ZBTB39: variants seen among roughly 807,000 people sequenced by gnomAD.
ZBTB39 encodes the protein zinc finger and BTB domain-containing protein 39.
Under a neutral mutation model 39.4 loss-of-function variants are expected in ZBTB39, and 25 were observed. That is an observed-to-expected ratio of 0.63 (90% confidence interval 0.46 to 0.89). The LOEUF (loss-of-function observed/expected upper bound fraction) is 0.89, where lower values mean the gene tolerates loss of function less well. ZBTB39 is among the 40% of genes least tolerant of loss of function. The pLI is 0.00. For missense variants in ZBTB39, 891 were observed against 909.7 expected, an observed-to-expected ratio of 0.98 and a Z score of 0.26; for synonymous variants, 373 against 359.6, an observed-to-expected ratio of 1.04 and a Z score of -0.42.
chr12:57,000,199 G>C lies in ZBTB39; in HGVS notation c.*2580C>G, dbSNP rs919048048. The C allele has an allele frequency of 2.0e-5, 3 of 152,572 alleles. No individual in the cohort carries two copies. Among genetic ancestry groups the C allele is most frequent in the African/African-American group, 7.2e-5 (3 of 41,410 alleles). 9.5% of individuals were successfully genotyped at this position (152,572 alleles called of 1,614,324 possible). On this transcript the variant is annotated 3_prime_UTR_variant, in exon 2 of 2. Transcript: ENST00000300101. ...GGTGTGAATACAGGGGTCACCAACA[G>C]GGAGAGGGTTTGGTCAACAAATCTC...
In ZBTB39 at chr12:57,004,020, C is replaced by G; in HGVS notation, c.898G>C (p.Gly300Arg). ...TCTTCAAACTGCAAGTCATCATCCC[C>G]CAGGTCCTCGAGCTGGAGCTCATCC... ...QMDELQLEDL[G>R]DDDLQFEDPA... The change falls in exon 2 of 2, where the codon GGG (glycine) becomes CGG (arginine). Residue 300 changes from glycine to arginine, a missense_variant. By Grantham distance (125) the Gly-to-Arg change is moderately radical (BLOSUM62 -2). Transcript: ENST00000300101. 1 of 1,614,242 alleles carries G rather than the reference C, an allele frequency of 6.2e-7. No homozygotes were observed. The highest frequency in any genetic ancestry group is 8.5e-7 in the Non-Finnish European group (1 of 1,180,048).
chr12:57,004,242 T>C lies in ZBTB39; in HGVS notation c.676A>G (p.Thr226Ala). 6 of 1,611,228 alleles carry C rather than the reference T, an allele frequency of 3.7e-6. No individual in the cohort carries two copies. Among genetic ancestry groups the C allele is most frequent in the Non-Finnish European group, 5.1e-6 (6 of 1,179,258 alleles). Residue 226 changes from threonine (T) to alanine (A), a missense_variant, in exon 2 of 2, where the codon ACC (threonine) becomes GCC (alanine). Physicochemically the swap from Thr to Ala is moderately conservative, Grantham distance 58. Coordinates refer to ENST00000300101, the MANE Select transcript of ZBTB39 (RefSeq NM_014830.3). Reference protein sequence around the residue: ...APFTSIPSMMTQPLLGTVSTG... With the variant: ...APFTSIPSMMAQPLLGTVSTG... Reference sequence around the variant, plus strand: ...CTGACAGTGCCTAGGAGTGGCTGGGTCATCATGCTAGGAATGGACGTGAAG... The same window carrying C: ...CTGACAGTGCCTAGGAGTGGCTGGGCCATCATGCTAGGAATGGACGTGAAG...
rs766143328 is a variant in ZBTB39, at chr12:57,002,802, C to T, written c.2116G>A (p.Ala706Thr). Residue 706 changes from alanine to threonine, a missense_variant, in exon 2 of 2, where the codon GCG becomes ACG. Coordinates refer to ENST00000300101, the MANE Select transcript of ZBTB39 (RefSeq NM_014830.3). ...AGTCAACTGTCCGGGTTCTTATCCG[C>T]CTCTTTGGAATGGATGATGTACATG... is the stretch of plus-strand genomic sequence containing the variant. The part of the protein sequence containing the change: ...TFMYIIHSKE[A>T]DKNPDS 6.2e-7 allele frequency: 1 copy of T among 1,613,944 alleles called. No individual in the cohort carries two copies. The highest frequency in any genetic ancestry group is 8.5e-7 in the Non-Finnish European group (1 of 1,179,838).
rs1442989175 is a variant in ZBTB39 at position 57,001,582 on chromosome 12, T to G, written c.*1197A>C. On this transcript the variant is annotated 3_prime_UTR_variant, in exon 2 of 2. Coordinates refer to ENST00000300101, the MANE Select transcript of ZBTB39 (RefSeq NM_014830.3). ...ACTCTGCAGCCACCCACGGAGGGCC[T>G]GAACCAGCTGCCATCCAATAGCGCC... The G allele has an allele frequency of 6.5e-6, 1 of 152,738 alleles. No individual in the cohort carries two copies. The highest frequency in any genetic ancestry group is 2.4e-5 in the African/African-American group (1 of 41,460). The allele number at this position is 152,738 out of a possible 1,614,324, so 9.5% of individuals were successfully genotyped here.
At chr12:57,006,203 A>C (rs1592452834) in intron 1 of ZBTB39, among the ~76,000 whole-genome samples, 2 of 144,856 alleles carry the variant, frequency 1.4e-5, no homozygotes, top group Non-Finnish European at 1.5e-5. Context: ...CGCGGGGCTC[A>C]CCCGGGTGAG....
chr12:57,004,943 CCTT>C lies in ZBTB39; in HGVS notation c.-29_-27del, dbSNP rs1243968005. 2.6e-5 allele frequency: 41 copies of C among 1,558,054 alleles called. No individual in the cohort carries two copies. The highest frequency in any genetic ancestry group is 9.5e-5 in the African/African-American group (7 of 73,530). The stretch of plus-strand genomic sequence containing the variant: ...CTTAGCAGCTCCTATGAAATTACCT[CCTT>C]ATCAGCACAGTTAATCTGTGGATAG... On this transcript the variant is annotated 5_prime_UTR_variant, in exon 2 of 2. The change creates a new upstream start codon in the 5' untranslated region. Transcript: ENST00000300101.
rs757866619 is a variant in ZBTB39 at position 57,004,819 on chromosome 12, G to A, written c.99C>T (p.Thr33=). The change falls in exon 2 of 2, where the codon ACC becomes ACT. Residue 33 remains threonine (T), a synonymous_variant. Coordinates refer to ENST00000300101, the MANE Select transcript of ZBTB39 (RefSeq NM_014830.3). Reference sequence around the variant, plus strand: ...GGAAGGAGCGGCTCCCCACCACAATGGTGACGTCGCACATGGTCTCTGAGA... The same window carrying A: ...GGAAGGAGCGGCTCCCCACCACAATAGTGACGTCGCACATGGTCTCTGAGA... ...CRLSETMCDV[T]IVVGSRSFPA... is the part of the protein sequence containing the mutation. 37 of 1,614,084 alleles carry A rather than the reference G, an allele frequency of 2.3e-5. No individual in the cohort carries two copies. The Middle Eastern group carries it at 4.9e-4, about 22-fold the overall frequency.
rs1336534165 is a variant in ZBTB39, at chr12:56,999,786, TG to T, written c.*2992del. On this transcript the variant is annotated 3_prime_UTR_variant, in exon 2 of 2. Transcript: ENST00000300101. Reference sequence around the variant, plus strand: ...TTCCCCTCGGAAAACAAGTTGGGAATGGCCTCATATTTGGTTTAATGCTCTA... The same window carrying T: ...TTCCCCTCGGAAAACAAGTTGGGAATGCCTCATATTTGGTTTAATGCTCTA... The T allele has an allele frequency of 1.3e-5, 2 of 152,178 alleles. No homozygotes were observed. Among genetic ancestry groups the T allele is most frequent in the African/African-American group, 4.8e-5 (2 of 41,434 alleles). 9.4% of individuals were successfully genotyped at this position (152,178 alleles called of 1,614,324 possible).
intron 1 of ZBTB39, 130 bp downstream of exon 1, chr12:57,006,275 C>G (rs1956244974): frequency 1.3e-5 from 2 of 152,150 alleles, no homozygotes; most frequent in South Asian, 1.9e-4. Context: ...CGGCCGGGGT[C>G]GGCGCGCGGG....
At chr12:57,006,102 C>T (rs1290510499) in intron 1 of ZBTB39, among the ~76,000 whole-genome samples, 1 of 152,182 alleles carries the variant, frequency 6.6e-6, no homozygotes, top group East Asian at 1.9e-4. Context: ...CGCGGTCTCC[C>T]CTCCGGAGTC....
rs774331085 is a variant in ZBTB39 at position 57,003,767 on chromosome 12, C to T, written c.1151G>A (p.Arg384Gln). Residue 384 changes from arginine to glutamine, a missense_variant, in exon 2 of 2, where the codon CGA (arginine) becomes CAA (glutamine). Transcript: ENST00000300101. This position sits in a 1 kb window ranked among gnomAD's most constrained non-coding sequence, Gnocchi z 4.8. ...CAGGACATGAGTTACCCGGGAGTTTCGGTCCTGGAAGTGGGTCTCGCAGAC... is the reference window on the plus strand; with the variant it reads ...CAGGACATGAGTTACCCGGGAGTTTTGGTCCTGGAAGTGGGTCTCGCAGAC... Reference protein sequence around the residue: ...CKVCETHFQDRNSRVTHVLSH... With the variant: ...CKVCETHFQDQNSRVTHVLSH... 8 of 1,614,086 alleles carry T rather than the reference C, an allele frequency of 5.0e-6. No individual in the cohort carries two copies. The highest frequency in any genetic ancestry group is 1.1e-5 in the South Asian group (1 of 91,082).
rs202228571 is a variant in ZBTB39 at position 57,003,128 on chromosome 12, T to C, written c.1790A>G (p.Gln597Arg). The change falls in exon 2 of 2, where the codon CAG becomes CGG. Residue 597 changes from glutamine (Q) to arginine (R), a missense_variant. Transcript: ENST00000300101. This position sits in a 1 kb window ranked among gnomAD's most constrained non-coding sequence, Gnocchi z 4.8. ...EEFLGEELAL[Q>R]GQPGNSKYSC... ...ATACTTGCTGTTCCCAGGTTGGCCC[T>C]GCAGCGCCAGCTCTTCACCCAGAAA... is the stretch of plus-strand genomic sequence containing the variant. 39 of 1,614,074 alleles carry C rather than the reference T, an allele frequency of 2.4e-5. No homozygotes were observed. The highest frequency in any genetic ancestry group is 1.3e-5 in the African/African-American group (1 of 74,944).
chr12:57,004,455 G>T lies in ZBTB39; in HGVS notation c.463C>A (p.Pro155Thr). Residue 155 changes from proline (P) to threonine (T), a missense_variant, in exon 2 of 2, where the codon CCC becomes ACC. Coordinates refer to ENST00000300101, the MANE Select transcript of ZBTB39 (RefSeq NM_014830.3). ...CCACCACCTCGGAGTTCTCCAAGGG[G>T]ATGGGCAGGTTCTGCCGAAGGACAA... ...LSCPSAEPAH[P>T]LGELRGGGDY... 6.2e-7 allele frequency: 1 copy of T among 1,614,188 alleles called. No individual in the cohort carries two copies. The highest frequency in any genetic ancestry group is 8.5e-7 in the Non-Finnish European group (1 of 1,180,048).
chr12:57,006,453 A>G lies in ZBTB39; in HGVS notation c.-93T>C, dbSNP rs1342887613. The G allele has an allele frequency of 6.7e-6, 1 of 148,156 alleles. No individual in the cohort carries two copies. Among genetic ancestry groups the G allele is most frequent in the Non-Finnish European group, 1.5e-5 (1 of 66,130 alleles). 9.2% of individuals were successfully genotyped at this position (148,156 alleles called of 1,614,324 possible). On this transcript the variant is annotated 5_prime_UTR_variant, in exon 1 of 2. Transcript: ENST00000300101. ...CCATCGCCGCCGCCGCTTCACACAAAGGCCCCGGCCCGCCGTGCCCGGCCC... is the reference window on the plus strand; with the variant it reads ...CCATCGCCGCCGCCGCTTCACACAAGGGCCCCGGCCCGCCGTGCCCGGCCC...
chr12:57,003,840 G>C lies in ZBTB39; in HGVS notation c.1078C>G (p.Arg360Gly). The change falls in exon 2 of 2, where the codon CGG becomes GGG. Residue 360 changes from arginine (R) to glycine (G), a missense_variant. Physicochemically the swap from Arg to Gly is moderately radical, Grantham distance 125 (BLOSUM62 -2). Transcript: ENST00000300101. The surrounding 1 kb of genome is among the most constrained non-coding windows in gnomAD (Gnocchi z 4.8). ...KVLEPNIQLI[R>G]QHARDHVDLL... ...TCCACATGGTCCCGAGCATGCTGCC[G>C]GATCAGTTGAATGTTGGGCTCTAGA... 6.2e-7 allele frequency: 1 copy of C among 1,614,160 alleles called. No homozygotes were observed. The highest frequency in any genetic ancestry group is 8.5e-7 in the Non-Finnish European group (1 of 1,180,024).
At chr12:57,005,002 C>T (rs1956236786) in intron 1 of ZBTB39, 41 bp from the exon 2 acceptor site, 1 of 1,422,178 alleles carries the variant, frequency 7.0e-7, no homozygotes, top group South Asian at 1.4e-5. Flanking sequence ...CCAAACACAT[C>T]CGTGCAAAAG....
At chr12:57,005,408 A>G (rs958148304) in intron 1 of ZBTB39, among the ~76,000 whole-genome samples, 7 of 152,220 alleles carry the variant, frequency 4.6e-5, no homozygotes, top group South Asian at 2.1e-4. Flanking sequence ...TGAGGAACAT[A>G]TAAGGTGGTT....
Position 56,999,958 on chromosome 12 carries a change from T to A in ZBTB39, c.*2821A>T, listed in dbSNP as rs185103428. 3.9e-5 allele frequency: 6 copies of A among 152,326 alleles called. No individual in the cohort carries two copies. The highest frequency in any genetic ancestry group is 1.4e-4 in the African/African-American group (6 of 41,564). 9.4% of individuals were successfully genotyped at this position (152,326 alleles called of 1,614,324 possible). On this transcript the variant is annotated 3_prime_UTR_variant, in exon 2 of 2. Coordinates refer to ENST00000300101, the MANE Select transcript of ZBTB39 (RefSeq NM_014830.3). Reference sequence around the variant, plus strand: ...TTCAGAGTAACACAGAAGAGAGTAGTAAACTAGGTTCCAGGAGAGAGGGAG... The same window carrying A: ...TTCAGAGTAACACAGAAGAGAGTAGAAAACTAGGTTCCAGGAGAGAGGGAG...
At position 57,004,756 on chromosome 12, in the gene ZBTB39, G is replaced by T. The variant is rs747884501; in HGVS notation, c.162C>A (p.Tyr54Ter). Residue 54 changes from tyrosine (Y) to a stop codon, truncating the protein, a stop_gained, in exon 2 of 2, where the codon TAC becomes TAA. Coordinates refer to ENST00000300101, the MANE Select transcript of ZBTB39 (RefSeq NM_014830.3). LOFTEE classifies it high-confidence loss of function. ...CAGTATTCAGGAAGAGGTTCTGGAA[G>T]TAGCCAGCTGCACAGGCCAGCACAG... ...HKAVLACAAGYFQNLFLNTGL... is the reference protein window; with the variant it reads ...HKAVLACAAG 1 of 1,614,190 alleles carries T rather than the reference G, an allele frequency of 6.2e-7. No individual in the cohort carries two copies. The highest frequency in any genetic ancestry group is 1.1e-5 in the South Asian group (1 of 91,076).
Sources: allele counts gnomAD v4.1 joint callset (sites outside exome capture counted in the v4.1 genomes callset), GRCh38; gene constraint gnomAD v4.1.1; non-coding constraint Gnocchi (gnomAD v3.1); transcripts MANE v1.5; gene names NCBI Gene and HGNC (gene_info 2026-07-23, HGNC 2026-07-21).